The following CAB39L variants were observed in gnomAD, a reference collection of about 807,000 sequenced individuals.
CAB39L encodes calcium-binding protein 39-like.
In CAB39L, 23 loss-of-function variants were observed where a neutral mutation model predicts 39.1. The ratio of observed to expected loss-of-function variants is 0.59; its 90% confidence interval spans 0.42 to 0.83. The LOEUF is 0.83. Ranked by LOEUF, CAB39L falls within the 40% of genes least tolerant of loss-of-function variation. CAB39L has a pLI of 0.00. For missense variants in CAB39L, 366 were observed against 391.9 expected (o/e 0.93, Z 0.56); for synonymous variants, 126 against 137.2 (o/e 0.92, Z 0.57).
chr13:49,329,544 A>AATATAT (rs1179579885), intron 10 of CAB39L, among the ~76,000 whole-genome samples: 8 of 33,796 alleles, frequency 2.4e-4, no homozygotes, highest in Admixed American at 3.8e-4. Context: ...TAAAAAAAAA[A>AATATAT]ATATATATAT....
chr13:49,433,150 A>C (rs1957353297), intron 3 of CAB39L, among the ~76,000 whole-genome samples, 168 bp downstream of exon 3: 1 of 152,184 alleles, frequency 6.6e-6, no homozygotes, highest in Non-Finnish European at 1.5e-5. Context: ...CAGGCTCTCT[A>C]GTCTATCATA....
intron 5 of CAB39L, among the ~76,000 whole-genome samples, chr13:49,366,445 G>A (rs1030859270): frequency 6.6e-6 from 1 of 151,262 alleles, no homozygotes; most frequent in Non-Finnish European, 1.5e-5. Context: ...TGGCCAAGAT[G>A]GTGAAACCCC....
In CAB39L at chr13:49,324,068, T is replaced by C. The variant is rs191994902; in HGVS notation, c.834+7879A>G. On this transcript the variant is annotated intron_variant, in intron 10 of 10. Coordinates refer to ENST00000409308, the MANE Select transcript of CAB39L (RefSeq NM_001079670.3). ...GGCTCATGTCTGTAATCCCAGCACT[T>C]TGGGAGGCCGAGGGAGGCAGATCAC... is the stretch of plus-strand genomic sequence containing the variant. Among the ~76,000 whole-genome samples, 118 of 152,188 alleles carry C rather than the reference T, an allele frequency of 7.8e-4. 2 individuals carry two copies. In the East Asian group the frequency reaches 0.02, roughly 26 times the overall value.
intron 3 of CAB39L, among the ~76,000 whole-genome samples, chr13:49,388,001 A>G (rs757733795): frequency 1.3e-4 from 20 of 152,230 alleles, no homozygotes; most frequent in Non-Finnish European, 2.5e-4. Flanking sequence ...AATACGAAAC[A>G]AAGAAGCCTC....
intron 8 of CAB39L, among the ~76,000 whole-genome samples, chr13:49,342,397 T>G (rs980531824): frequency 4.6e-5 from 7 of 152,174 alleles, no homozygotes; most frequent in African/African-American, 1.7e-4. Flanking sequence ...CTACCATAAA[T>G]ATCATATACA....
At chr13:49,414,733 C>T (rs544439120) in intron 3 of CAB39L, among the ~76,000 whole-genome samples, 2 of 152,042 alleles carry the variant, frequency 1.3e-5, no homozygotes, top group South Asian at 4.2e-4. Context: ...GAAGGAAATA[C>T]AACAAAATTT....
At chr13:49,442,268 A>C (rs1435072972) in intron 1 of CAB39L, among the ~76,000 whole-genome samples, 1 of 152,212 alleles carries the variant, frequency 6.6e-6, no homozygotes, top group Non-Finnish European at 1.5e-5. Context: ...GGGATGTGTC[A>C]TAATTTATAA....
At chr13:49,442,730 G>A (rs764410816) in intron 1 of CAB39L, among the ~76,000 whole-genome samples, 3 of 140,614 alleles carry the variant, frequency 2.1e-5, no homozygotes, top group Non-Finnish European at 1.5e-5. Context: ...AGGCAGAGTT[G>A]CAGTGAGCCG....
intron 3 of CAB39L, among the ~76,000 whole-genome samples, chr13:49,384,036 C>A (rs1956302966): frequency 6.6e-6 from 1 of 152,178 alleles, no homozygotes; most frequent in African/African-American, 2.4e-5. Context: ...TACGTTGACT[C>A]TTCCTTTCAT....
At chr13:49,411,892 C>T (rs1195650441) in intron 3 of CAB39L, among the ~76,000 whole-genome samples, 1 of 152,118 alleles carries the variant, frequency 6.6e-6, no homozygotes, top group African/African-American at 2.4e-5. Flanking sequence ...TGAAGGTTAC[C>T]AGGTGGAGGT....
intron 3 of CAB39L, among the ~76,000 whole-genome samples, chr13:49,432,879 C>T (rs145581490): frequency 6.6e-5 from 10 of 152,274 alleles, no homozygotes; most frequent in African/African-American, 2.4e-4. Flanking sequence ...GGCTTCTTAC[C>T]TTTATATGGG....
rs1055641991 is a variant in CAB39L at position 49,352,669 on chromosome 13, T to C, written c.396-1757A>G. ...AGCTGGACATGGTGGCACACGCCTG[T>C]AGTCCCAGCTACTCAGGAGGCTGAG... On this transcript the variant is annotated intron_variant, in intron 6 of 10. Coordinates refer to ENST00000409308, the MANE Select transcript of CAB39L (RefSeq NM_001079670.3). 4.1e-4 allele frequency among the ~76,000 whole-genome samples: 63 copies of C among 152,282 alleles called. 1 individual carries two copies. Among genetic ancestry groups the C allele is most frequent in the African/African-American group, 1.4e-3 (58 of 41,548 alleles).
chr13:49,397,332 G>A (rs1255699849), intron 3 of CAB39L, among the ~76,000 whole-genome samples: 3 of 152,032 alleles, frequency 2.0e-5, no homozygotes, highest in African/African-American at 7.2e-5. Flanking sequence ...CCAAATTTGA[G>A]GGAGAGGCAC....
In CAB39L at chr13:49,361,749, T is replaced by C. The variant is rs74072525; in HGVS notation, c.277-1917A>G. Among the ~76,000 whole-genome samples, 508 of 152,262 alleles carry C rather than the reference T, an allele frequency of 3.3e-3. 3 individuals carry two copies. Among genetic ancestry groups the C allele is most frequent in the African/African-American group, 0.011 (478 of 41,578 alleles). On this transcript the variant is annotated intron_variant, in intron 5 of 10. Coordinates refer to ENST00000409308, the MANE Select transcript of CAB39L (RefSeq NM_001079670.3). ...TCTATATCTTTGTTGATGCTCTTCC[T>C]TTTTTCATGAACTCTGTCATTCTTT...
chr13:49,403,552 A>G lies in CAB39L; in HGVS notation c.-31-20611T>C, dbSNP rs1035947315. Among the ~76,000 whole-genome samples the G allele has an allele frequency of 2.0e-5, 3 of 152,126 alleles. No individual in the cohort carries two copies. The East Asian group carries it at 5.8e-4, about 29-fold the overall frequency. ...ACACAAATAATAGAATTAGTATACA[A>G]AGACATTAAAACTATTAAAAATATC... On this transcript the variant is annotated intron_variant, in intron 3 of 10. Transcript: ENST00000409308.
chr13:49,369,866 G>A (rs1002950592), intron 5 of CAB39L, among the ~76,000 whole-genome samples: 2 of 152,142 alleles, frequency 1.3e-5, no homozygotes, highest in African/African-American at 4.8e-5. Context: ...GATTACAGGC[G>A]TGAGCCACCG....
chr13:49,327,372 C>T (rs1011578432), intron 10 of CAB39L, among the ~76,000 whole-genome samples: 5 of 152,146 alleles, frequency 3.3e-5, no homozygotes, highest in African/African-American at 7.2e-5. Flanking sequence ...GGCACAATAT[C>T]GGCTTACTGC....
intron 7 of CAB39L, among the ~76,000 whole-genome samples, chr13:49,345,452 G>C (rs978179570): frequency 3.3e-5 from 5 of 152,126 alleles, no homozygotes; most frequent in African/African-American, 9.7e-5. Context: ...CAGTGGAGCA[G>C]AGCATTCATT....
At chr13:49,398,654 TTTATTTCATTA>T (rs1956692683) in intron 3 of CAB39L, among the ~76,000 whole-genome samples, 1 of 152,140 alleles carries the variant, frequency 6.6e-6, no homozygotes, top group South Asian at 2.1e-4. Context: ...TACTGTATTG[TTTATTTCATTA>T]TTATTTCATT....
Sources: allele counts gnomAD v4.1 joint callset (sites outside exome capture counted in the v4.1 genomes callset), GRCh38; gene constraint gnomAD v4.1.1; transcripts MANE v1.5; gene names NCBI Gene and HGNC (gene_info 2026-07-23, HGNC 2026-07-21).